MZT2B: variants seen among roughly 807,000 people sequenced by gnomAD.
The protein encoded by MZT2B is mitotic-spindle organizing protein 2B.
Under a neutral mutation model 12.1 loss-of-function variants are expected in MZT2B, and 11 were observed. The ratio of observed to expected loss-of-function variants is 0.91; its 90% confidence interval spans 0.57 to 1.50. The LOEUF (loss-of-function observed/expected upper bound fraction) is 1.50, where lower values mean the gene tolerates loss of function less well. Among genes scored for constraint, MZT2B ranks in the 40% most tolerant of loss-of-function variants. The pLI, the probability that MZT2B is intolerant of heterozygous loss-of-function variation, is 0.00. For synonymous variants in MZT2B, 85 were observed against 109.5 expected (o/e 0.78, Z 1.40); for missense variants, 209 against 227.7 (o/e 0.92, Z 0.53).
downstream of MZT2B, chr2:130,193,803 AC>A: frequency 6.2e-7 from 1 of 1,609,352 alleles, no homozygotes; most frequent in South Asian, 1.1e-5. Context: ...CCAGTCGGGC[AC>A]CAATCCACAA....
At chr2:130,185,943 G>GGA (rs1338611225) in intron 2 of MZT2B, among the ~76,000 whole-genome samples, 1 of 152,108 alleles carries the variant, frequency 6.6e-6, no homozygotes, top group Non-Finnish European at 1.5e-5. Flanking sequence ...GAGGCCCTGT[G>GGA]GAGATAGAGT....
At chr2:130,182,570 G>T in intron 1 of MZT2B, 57 bp from the exon 2 acceptor site, 1 of 1,566,026 alleles carries the variant, frequency 6.4e-7, no homozygotes, top group South Asian at 1.2e-5. Context: ...CGGGTCTTCA[G>T]GGAGGTGGCC....
downstream of MZT2B, among the ~76,000 whole-genome samples, chr2:130,194,866 TAG>T (rs1364517931): frequency 1.3e-5 from 2 of 152,220 alleles, no homozygotes; most frequent in African/African-American, 4.8e-5. Flanking sequence ...TTAGTAGACA[TAG>T]AGTTTCACCA....
intron 2 of MZT2B, chr2:130,183,850 C>A (rs1362966960): frequency 6.4e-7 from 1 of 1,550,662 alleles, no homozygotes; most frequent in Admixed American, 2.0e-5. Context: ...TCCTCCAGCC[C>A]GCAGCCTGCG....
the MZT2B span, among the ~76,000 whole-genome samples, chr2:130,202,916 T>C: frequency 6.6e-6 from 1 of 152,330 alleles, no homozygotes; most frequent in African/African-American, 2.4e-5. Flanking sequence ...AAAGAGGACA[T>C]ATGTTAAAAT....
At chr2:130,199,932 C>A in the MZT2B span, among the ~76,000 whole-genome samples, 1 of 151,830 alleles carries the variant, frequency 6.6e-6, no homozygotes, top group African/African-American at 2.4e-5. Context: ...CCTGTTTCTA[C>A]TAAAAATACA....
At chr2:130,190,742 T>TG (rs2104743457), downstream of MZT2B, 2 of 1,089,198 alleles carry the variant, frequency 1.8e-6, no homozygotes, top group Middle Eastern at 3.2e-4. Flanking sequence ...TTGTCTACCG[T>TG]TTTTTTTTTT....
At chr2:130,203,382 C>T in the MZT2B span, among the ~76,000 whole-genome samples, 1,004 of 151,248 alleles carry the variant, frequency 6.6e-3, no homozygotes, top group African/African-American at 0.022. Context: ...GGGAGCCGCC[C>T]TGCCAGCTTG....
downstream of MZT2B, among the ~76,000 whole-genome samples, chr2:130,194,850 G>A (rs138743575): frequency 0.028 from 4,318 of 152,172 alleles, 213 homozygotes; most frequent in African/African-American, 0.097. Context: ...GCTAATTTTC[G>A]TATTTTTAGT....
chr2:130,182,102 G>A (rs1034882780), upstream of MZT2B: 9 of 1,339,690 alleles, frequency 6.7e-6, no homozygotes, highest in African/African-American at 7.5e-5. Context: ...TCAGCACACC[G>A]TGAGCGCCCA....
downstream of MZT2B, chr2:130,195,065 C>A: frequency 6.2e-7 from 1 of 1,611,992 alleles, no homozygotes; most frequent in Non-Finnish European, 8.5e-7. Flanking sequence ...CCACATGAAA[C>A]CTTCTCTTCT....
downstream of MZT2B, among the ~76,000 whole-genome samples, chr2:130,195,519 T>C (rs1384009942): frequency 1.3e-5 from 2 of 152,264 alleles, no homozygotes; most frequent in South Asian, 2.1e-4. Context: ...TACATAATTC[T>C]TTCCTACGTG....
chr2:130,200,266 C>T, the MZT2B span, among the ~76,000 whole-genome samples: 1 of 151,996 alleles, frequency 6.6e-6, no homozygotes, highest in Non-Finnish European at 1.5e-5. Context: ...CTGCAGGTGC[C>T]TGTAGTCCCA....
downstream of MZT2B, among the ~76,000 whole-genome samples, chr2:130,192,766 T>C (rs528502918): frequency 4.6e-5 from 7 of 152,196 alleles, no homozygotes; most frequent in African/African-American, 1.7e-4. Flanking sequence ...GTGCACAGGG[T>C]CAACTAGAGC....
upstream of MZT2B, chr2:130,182,150 C>T (rs1689711777): frequency 1.0e-5 from 13 of 1,257,366 alleles, no homozygotes; most frequent in African/African-American, 1.6e-5. Flanking sequence ...GGAGGCGGCC[C>T]CGTCCCCGCG....
chr2:130,190,006 C>T (rs1192595241), intron 2 of MZT2B, among the ~76,000 whole-genome samples: 1 of 152,232 alleles, frequency 6.6e-6, no homozygotes, highest in Non-Finnish European at 1.5e-5. Context: ...GACTGCAGTA[C>T]TTCCTGCCTG....
chr2:130,196,835 C>T, the MZT2B span, among the ~76,000 whole-genome samples: 2 of 152,170 alleles, frequency 1.3e-5, no homozygotes, highest in African/African-American at 2.4e-5. Flanking sequence ...CCAGTTCTAC[C>T]CCGTCCATCA....
At chr2:130,183,955 C>T (rs1356089751) in intron 2 of MZT2B, 3 of 1,550,450 alleles carry the variant, frequency 1.9e-6, no homozygotes, top group South Asian at 1.2e-5. Flanking sequence ...TGCCTGTTCT[C>T]TCCTTTTGCA....
chr2:130,194,173 C>T (rs146039343), downstream of MZT2B: 7,536 of 1,613,510 alleles, frequency 4.7e-3, 18 homozygotes, highest in Non-Finnish European at 5.8e-3. Flanking sequence ...GGTTGGTGTA[C>T]GTGGGACGTT....
Sources: allele counts gnomAD v4.1 joint callset (sites outside exome capture counted in the v4.1 genomes callset), GRCh38; gene constraint gnomAD v4.1.1; transcripts MANE v1.5; gene names NCBI Gene and HGNC (gene_info 2026-07-23, HGNC 2026-07-21).